The following GMPS variants were observed in gnomAD, a reference collection of about 807,000 sequenced individuals.
GMPS encodes GMP synthase [glutamine-hydrolyzing].
Under a neutral mutation model 77.9 loss-of-function variants are expected in GMPS, and 15 were observed. The observed-to-expected ratio is 0.19, with a 90% confidence interval of 0.13 to 0.30. The LOEUF (loss-of-function observed/expected upper bound fraction) is 0.30. GMPS is among the 10% of genes least tolerant of loss of function. The probability of loss-of-function intolerance (pLI) is 1.00; values close to 1 mark genes in which losing one functional copy is unlikely to be tolerated. For synonymous variants in GMPS, 224 were observed against 275.9 expected (o/e 0.81, Z 1.86); for missense variants, 590 against 838.8 (o/e 0.70, Z 3.66).
intron 9 of GMPS, among the ~76,000 whole-genome samples, chr3:155,917,213 TC>T (rs1040537807): frequency 3.3e-5 from 5 of 152,086 alleles, no homozygotes; most frequent in African/African-American, 1.2e-4. Flanking sequence ...CCTCAGGTGA[TC>T]CGCCTGCCTC....
chr3:155,928,860 A>G (rs937418556), intron 12 of GMPS, among the ~76,000 whole-genome samples: 20 of 151,810 alleles, frequency 1.3e-4, no homozygotes, highest in Non-Finnish European at 2.6e-4. Context: ...TACAAAGGAC[A>G]TGAACTCATC....
chr3:155,921,353 T>C (rs1424287809), intron 10 of GMPS, among the ~76,000 whole-genome samples: 1 of 152,218 alleles, frequency 6.6e-6, no homozygotes, highest in African/African-American at 2.4e-5. Flanking sequence ...TTCCTAAAAT[T>C]AGATTGATAG....
chr3:155,936,506 T>C lies in GMPS; in HGVS notation c.1976T>C (p.Val659Ala), dbSNP rs1238445169. ...IPATPGNEIPVEVVLKMVTEI... is the reference protein window; with the variant it reads ...IPATPGNEIPAEVVLKMVTEI... The stretch of plus-strand genomic sequence containing the variant: ...GCAACACCTGGCAATGAGATCCCTG[T>C]AGAGGTAATTTATATATTTTTTTCT... The change falls in exon 15 of 16, where the codon GTA becomes GCA. Residue 659 changes from valine to alanine, a missense_variant. By Grantham distance (64) the Val-to-Ala change is moderately conservative. This residue lies in a region of GMPS where 73 missense variants were observed against 170.5 expected (regional missense o/e 0.43). Transcript: ENST00000496455. The C allele has an allele frequency of 6.3e-7, 1 of 1,580,466 alleles. No individual in the cohort carries two copies. The highest frequency in any genetic ancestry group is 1.7e-5 in the Admixed American group (1 of 59,542).
intron 3 of GMPS, among the ~76,000 whole-genome samples, chr3:155,902,111 G>A (rs1754750349): frequency 6.6e-6 from 1 of 152,170 alleles, no homozygotes; most frequent in South Asian, 2.1e-4. Context: ...TTAGAACCTT[G>A]GGGTTTATCC....
intron 4 of GMPS, 81 bp downstream of exon 4, chr3:155,904,041 T>G: frequency 1.6e-6 from 1 of 625,630 alleles, no homozygotes; most frequent in African/African-American, 1.9e-5. Flanking sequence ...AATTGGAGAT[T>G]CTATAATTCA....
chr3:155,910,346 A>G (rs1577519614), intron 5 of GMPS, among the ~76,000 whole-genome samples: 1 of 152,146 alleles, frequency 6.6e-6, no homozygotes, highest in African/African-American at 2.4e-5. Flanking sequence ...AGGCAGGTGG[A>G]TCACTTGAGG....
intron 1 of GMPS, among the ~76,000 whole-genome samples, chr3:155,871,201 C>A (rs571061260): frequency 6.6e-6 from 1 of 152,138 alleles, no homozygotes; most frequent in East Asian, 1.9e-4. Context: ...GCAGAGCCCG[C>A]GAGCGCGGCG....
At chr3:155,924,746 G>C (rs1171954816) in intron 11 of GMPS, among the ~76,000 whole-genome samples, 1 of 151,986 alleles carries the variant, frequency 6.6e-6, no homozygotes, top group East Asian at 1.9e-4. Flanking sequence ...TTAAGACATA[G>C]ACAGTCAAAC....
chr3:155,906,370 TTTTC>T (rs1367169409), intron 5 of GMPS, 107 bp downstream of exon 5: 30 of 561,798 alleles, frequency 5.3e-5, no homozygotes, highest in South Asian at 1.2e-4. Flanking sequence ...TTCTTCTGAT[TTTTC>T]TTCTCTTTTT....
intron 4 of GMPS, 91 bp from the exon 5 acceptor site, chr3:155,906,069 T>C (rs1240897976): frequency 1.1e-5 from 7 of 649,634 alleles, no homozygotes; most frequent in Non-Finnish European, 1.8e-5. Flanking sequence ...TTTCTAATCA[T>C]GTATGGCAAG....
chr3:155,883,426 A>C (rs1293680126), intron 1 of GMPS, among the ~76,000 whole-genome samples: 1 of 152,190 alleles, frequency 6.6e-6, no homozygotes, highest in Non-Finnish European at 1.5e-5. Context: ...TATTTTAGGA[A>C]TAGTGATCAC....
rs1193086054 is a variant in GMPS at position 155,910,902 on chromosome 3, C to G, written c.720+17C>G. ...AAAGTTTTGGTAAGCAAATTATTAT[C>G]TGGAAGTCTACAAATTTATATCAAT... On this transcript the variant is annotated intron_variant, in intron 6 of 15. Coordinates refer to ENST00000496455, the MANE Select transcript of GMPS (RefSeq NM_003875.3). 1 of 1,502,840 alleles carries G rather than the reference C, an allele frequency of 6.7e-7. No individual in the cohort carries two copies. Among genetic ancestry groups the G allele is most frequent in the East Asian group, 2.3e-5 (1 of 43,956 alleles). 93.1% of individuals were successfully genotyped at this position (1,502,840 alleles called of 1,614,324 possible).
chr3:155,919,631 A>C (rs1755268108), intron 10 of GMPS, among the ~76,000 whole-genome samples: 1 of 152,178 alleles, frequency 6.6e-6, no homozygotes, highest in Non-Finnish European at 1.5e-5. Flanking sequence ...TATTTTAATA[A>C]TATTGCCACA....
At chr3:155,904,682 T>G (rs988132924) in intron 4 of GMPS, among the ~76,000 whole-genome samples, 2 of 152,238 alleles carry the variant, frequency 1.3e-5, no homozygotes, top group Non-Finnish European at 2.9e-5. Flanking sequence ...CAAAATGAGT[T>G]TGAAATCCAG....
intron 12 of GMPS, among the ~76,000 whole-genome samples, chr3:155,931,252 C>G (rs1476085723): frequency 1.3e-5 from 2 of 151,664 alleles, no homozygotes; most frequent in African/African-American, 2.4e-5. Context: ...GATACGATCT[C>G]TCAGCTCACT....
Position 155,925,307 on chromosome 3 carries a change from A to G in GMPS, c.1501A>G (p.Ile501Val), listed in dbSNP as rs1258541370. Reference sequence around the variant, plus strand: ...AGAGGATCAGGAGAAGCTGATGCAAATTACCAGTCTGCATTCACTGAATGC... The same window carrying G: ...AGAGGATCAGGAGAAGCTGATGCAAGTTACCAGTCTGCATTCACTGAATGC... ...TEEDQEKLMQ[I>V]TSLHSLNAFL... Residue 501 changes from isoleucine (I) to valine (V), a missense_variant, in exon 12 of 16, where the codon ATT (isoleucine) becomes GTT (valine). Coordinates refer to ENST00000496455, the MANE Select transcript of GMPS (RefSeq NM_003875.3). 6.2e-7 allele frequency: 1 copy of G among 1,611,394 alleles called. No individual in the cohort carries two copies. Among genetic ancestry groups the G allele is most frequent in the Non-Finnish European group, 8.5e-7 (1 of 1,177,684 alleles).
chr3:155,871,061 G>T (rs1753892540), intron 1 of GMPS, among the ~76,000 whole-genome samples, 164 bp downstream of exon 1: 1 of 152,136 alleles, frequency 6.6e-6, no homozygotes, highest in African/African-American at 2.4e-5. Flanking sequence ...GGGGCCTGTG[G>T]CATGTTTTAT....
intron 9 of GMPS, among the ~76,000 whole-genome samples, chr3:155,917,119 A>G (rs955347029): frequency 6.6e-6 from 1 of 152,022 alleles, no homozygotes; most frequent in African/African-American, 2.4e-5. Flanking sequence ...GATTACAGGC[A>G]TGCGCCACGA....
intron 10 of GMPS, among the ~76,000 whole-genome samples, chr3:155,919,760 G>A (rs1172338004): frequency 6.6e-6 from 1 of 152,202 alleles, no homozygotes; most frequent in Non-Finnish European, 1.5e-5. Context: ...TGTCTGACTT[G>A]TTTGAATGGA....
Sources: gnomAD v4.1 joint callset for allele counts (sites outside exome capture counted in the v4.1 genomes callset) on GRCh38, gnomAD v4.1.1 for gene constraint, gnomAD v4.1.1 regional missense constraint, MANE v1.5 for transcripts, NCBI Gene and HGNC (gene_info 2026-07-23, HGNC 2026-07-21) for gene names.